AMBRA1: variants seen among roughly 807,000 people sequenced by gnomAD.
AMBRA1 encodes activating molecule in BECN1-regulated autophagy protein 1.
AMBRA1 carries 47 observed loss-of-function variants against 125.4 expected under a neutral mutation model. That is an observed-to-expected ratio of 0.37 (90% CI 0.30 to 0.48). AMBRA1 has a LOEUF of 0.48. AMBRA1 is among the 20% of genes least tolerant of loss of function. The pLI is 0.99. For missense variants in AMBRA1, 1,331 were observed against 1,693.4 expected (o/e 0.79, Z 3.76); for synonymous variants, 626 against 655.5 (o/e 0.95, Z 0.69).
In AMBRA1 at chr11:46,548,285, C is replaced by T; in HGVS notation, c.96G>A (p.Leu32=). The change falls in exon 2 of 18, where the codon CTG becomes CTA. Residue 32 remains leucine, a synonymous_variant. Coordinates refer to ENST00000683756, the MANE Select transcript of AMBRA1 (RefSeq NM_001387011.1). ...TCATCCACCGGGTTTTATCTTCTAC[C>T]AGCTCCTGCAGAAGCCGCTGAGCTC... The part of the protein sequence containing the change: ...AMGAQRLLQE[L]VEDKTRWMKW... 1 of 1,614,126 alleles carries T rather than the reference C, an allele frequency of 6.2e-7. No individual in the cohort carries two copies. Among genetic ancestry groups the T allele is most frequent in the Non-Finnish European group, 8.5e-7 (1 of 1,180,016 alleles).
intron 11 of AMBRA1, among the ~76,000 whole-genome samples, chr11:46,445,196 G>GA (rs1038854397): frequency 6.6e-6 from 1 of 152,102 alleles, no homozygotes; most frequent in Non-Finnish European, 1.5e-5. Flanking sequence ...GACAAGTAGG[G>GA]AAAAAATGTC....
chr11:46,518,073 T>C (rs1951583597), intron 7 of AMBRA1: 1 of 969,778 alleles, frequency 1.0e-6, no homozygotes, highest in East Asian at 1.1e-4. Context: ...AACAAAAACA[T>C]ACAACACACA....
At chr11:46,514,162 G>A (rs1203315610) in intron 7 of AMBRA1, among the ~76,000 whole-genome samples, 1 of 152,226 alleles carries the variant, frequency 6.6e-6, no homozygotes, top group Non-Finnish European at 1.5e-5. Flanking sequence ...GATAAGGACA[G>A]CAGCTACCAA....
chr11:46,438,837 A>G (rs1025843370), intron 12 of AMBRA1, among the ~76,000 whole-genome samples: 1 of 152,240 alleles, frequency 6.6e-6, no homozygotes, highest in African/African-American at 2.4e-5. Flanking sequence ...AAAATTATTT[A>G]TGCATGAGGC....
At chr11:46,444,122 G>A (rs985292850) in intron 11 of AMBRA1, among the ~76,000 whole-genome samples, 1 of 152,160 alleles carries the variant, frequency 6.6e-6, no homozygotes, top group African/African-American at 2.4e-5. Flanking sequence ...CTACTATACA[G>A]CTGATTGGAT....
At chr11:46,462,123 AT>A (rs1949117475) in intron 11 of AMBRA1, among the ~76,000 whole-genome samples, 1 of 152,226 alleles carries the variant, frequency 6.6e-6, no homozygotes, top group Admixed American at 6.5e-5. Context: ...ATTAAAATGT[AT>A]TTTGGTGTTT....
At chr11:46,574,992 C>T (rs536678361) in intron 1 of AMBRA1, among the ~76,000 whole-genome samples, 46 of 152,236 alleles carry the variant, frequency 3.0e-4, no homozygotes, top group South Asian at 1.9e-3. Context: ...ATAGTTGTTG[C>T]CAATTCAAGA....
chr11:46,547,607 T>C (rs1235844554), intron 3 of AMBRA1, among the ~76,000 whole-genome samples: 3 of 152,216 alleles, frequency 2.0e-5, no homozygotes, highest in Non-Finnish European at 2.9e-5. Flanking sequence ...TTTCCAAGTT[T>C]TGATCCTCTC....
intron 11 of AMBRA1, among the ~76,000 whole-genome samples, chr11:46,453,698 C>T (rs1343511087): frequency 2.0e-5 from 3 of 152,068 alleles, no homozygotes; most frequent in African/African-American, 4.8e-5. Flanking sequence ...TATTAGGGAA[C>T]GTCATTTTCT....
At chr11:46,466,328 C>T (rs975024780) in intron 11 of AMBRA1, among the ~76,000 whole-genome samples, 11 of 148,208 alleles carry the variant, frequency 7.4e-5, no homozygotes, top group Admixed American at 7.4e-4. Flanking sequence ...GCCTGGGCAA[C>T]AGAGCAAGAC....
In AMBRA1 at chr11:46,548,401, AC is replaced by A; in HGVS notation, c.-22del. ...TTCATGGCGCTCAGTAGCCACTGTC[AC>A]ACCAGGCCCAGGAAATGAAGGAGCA... On this transcript the variant is annotated 5_prime_UTR_variant, in exon 2 of 18. The change abolishes the stop of an existing upstream ORF in the 5' untranslated region. Coordinates refer to ENST00000683756, the MANE Select transcript of AMBRA1 (RefSeq NM_001387011.1). The A allele has an allele frequency of 6.2e-7, 1 of 1,612,786 alleles. No homozygotes were observed. The highest frequency in any genetic ancestry group is 8.5e-7 in the Non-Finnish European group (1 of 1,179,752).
At chr11:46,439,914 C>CT (rs34040432) in intron 12 of AMBRA1, among the ~76,000 whole-genome samples, 1,983 of 147,000 alleles carry the variant, frequency 0.013, 30 homozygotes, top group African/African-American at 0.039. Context: ...CCACATACTA[C>CT]TTTTTTTTTT....
intron 11 of AMBRA1, among the ~76,000 whole-genome samples, chr11:46,481,283 T>A (rs1950055912): frequency 6.6e-6 from 1 of 152,206 alleles, no homozygotes; most frequent in Admixed American, 6.5e-5. Flanking sequence ...TTTGGGAATA[T>A]AATTCTTCTA....
chr11:46,521,224 C>T (rs895692692), intron 7 of AMBRA1, among the ~76,000 whole-genome samples: 1 of 152,244 alleles, frequency 6.6e-6, no homozygotes, highest in Admixed American at 6.5e-5. Flanking sequence ...AAACTGCTTA[C>T]ATCACCTTCA....
At position 46,542,234 on chromosome 11, in the gene AMBRA1, C is replaced by T. The variant is rs1208213614; in HGVS notation, c.1783G>A (p.Glu595Lys). 1 of 1,614,080 alleles carries T rather than the reference C, an allele frequency of 6.2e-7. No individual in the cohort carries two copies. Among genetic ancestry groups the T allele is most frequent in the East Asian group, 2.2e-5 (1 of 44,878 alleles). The part of the protein sequence containing the change: ...ERTTPNYSSG[E>K]ASSSWQVPSS... Reference sequence around the variant, plus strand: ...GGGACCTGCCAAGAGGAACTAGCCTCGCCAGAGGAGTAGTTAGGTGTGGTT... The same window carrying T: ...GGGACCTGCCAAGAGGAACTAGCCTTGCCAGAGGAGTAGTTAGGTGTGGTT... The change falls in exon 7 of 18, where the codon GAG becomes AAG. Residue 595 changes from glutamate (E) to lysine (K), a missense_variant. Physicochemically the swap from Glu to Lys is moderately conservative, Grantham distance 56. This residue lies in a region of AMBRA1 where 689 missense variants were observed against 776.5 expected (regional missense o/e 0.89). Coordinates refer to ENST00000683756, the MANE Select transcript of AMBRA1 (RefSeq NM_001387011.1). This position sits in a 1 kb window ranked among gnomAD's most constrained non-coding sequence, Gnocchi z 5.9.
intron 1 of AMBRA1, among the ~76,000 whole-genome samples, chr11:46,567,284 C>T (rs1158224802): frequency 2.6e-5 from 4 of 152,164 alleles, no homozygotes; most frequent in African/African-American, 9.7e-5. Flanking sequence ...TTTGGCCAGA[C>T]TGGTCTCGAA....
chr11:46,583,652 C>CAAAAAAAAAAAAAAAAAAAAAAAA (rs1398623719), intron 1 of AMBRA1, among the ~76,000 whole-genome samples: 18 of 12,556 alleles, frequency 1.4e-3, no homozygotes, highest in South Asian at 8.2e-3. Context: ...AACAAATTTC[C>CAAAAAAAAAAAAAAAAAAAAAAAA]AAAAAAAAAA....
chr11:46,488,678 C>T (rs776853392), intron 11 of AMBRA1, among the ~76,000 whole-genome samples: 3 of 152,132 alleles, frequency 2.0e-5, no homozygotes, highest in Non-Finnish European at 4.4e-5. Context: ...ACATGGGTAA[C>T]ACTCTCTAGA....
chr11:46,430,962 C>A (rs1210296813), intron 14 of AMBRA1, among the ~76,000 whole-genome samples: 1 of 152,226 alleles, frequency 6.6e-6, no homozygotes, highest in Non-Finnish European at 1.5e-5. Flanking sequence ...AAATTCACTT[C>A]TTGCCTTAAA....
Sources: allele counts gnomAD v4.1 joint callset (sites outside exome capture counted in the v4.1 genomes callset), GRCh38; gene constraint gnomAD v4.1.1; regional missense constraint gnomAD v4.1.1; non-coding constraint Gnocchi (gnomAD v3.1); transcripts MANE v1.5; gene names NCBI Gene and HGNC (gene_info 2026-07-23, HGNC 2026-07-21).